Variants in GRID2 observed in about 807,000 individuals in gnomAD.
GRID2 encodes the protein glutamate ionotropic receptor delta type subunit 2.
A neutral mutation model predicts 114.8 loss-of-function variants in GRID2; 33 were observed. The observed-to-expected ratio is 0.29, with a 90% CI of 0.22 to 0.38. GRID2 has a LOEUF of 0.38. Among genes scored for constraint, GRID2 ranks in the 10% least tolerant of loss-of-function variants. The probability of loss-of-function intolerance (pLI) is 1.00; values close to 1 mark genes in which losing one functional copy is unlikely to be tolerated. For missense variants in GRID2, 1,184 were observed against 1,257.7 expected, an observed-to-expected ratio of 0.94 and a Z score of 0.89; for synonymous variants, 505 against 449.9, an observed-to-expected ratio of 1.12 and a Z score of -1.55.
chr4:93,178,398 T>TTG (rs1560956231), intron 4 of GRID2, among the ~76,000 whole-genome samples: 1 of 136,118 alleles, frequency 7.3e-6, no homozygotes, highest in East Asian at 2.1e-4. Context: ...TTTTTTTTTT[T>TTG]TTTTTTTTTT....
intron 1 of GRID2, among the ~76,000 whole-genome samples, chr4:92,538,856 C>T (rs984341817): frequency 1.3e-5 from 2 of 152,008 alleles, no homozygotes; most frequent in Non-Finnish European, 2.9e-5. Flanking sequence ...TCCTGGCTAA[C>T]ACCATGAAAC....
chr4:93,144,832 C>A (rs1003709546), intron 4 of GRID2, among the ~76,000 whole-genome samples: 1 of 152,104 alleles, frequency 6.6e-6, no homozygotes, highest in East Asian at 1.9e-4. Context: ...CAAAATGATA[C>A]ATTTGCTGGA....
At chr4:92,819,043 C>G (rs1326437260) in intron 2 of GRID2, among the ~76,000 whole-genome samples, 1 of 152,036 alleles carries the variant, frequency 6.6e-6, no homozygotes, top group African/African-American at 2.4e-5. Flanking sequence ...GGCACTGAAT[C>G]AGAACTATTT....
chr4:93,196,475 C>T (rs72666927), intron 4 of GRID2, among the ~76,000 whole-genome samples: 5,568 of 152,168 alleles, frequency 0.037, 132 homozygotes, highest in Middle Eastern at 0.11. Flanking sequence ...GAATCATCAA[C>T]ATTTTATGCC....
intron 2 of GRID2, among the ~76,000 whole-genome samples, chr4:92,810,559 C>G (rs1421210443): frequency 6.6e-6 from 1 of 151,582 alleles, no homozygotes; most frequent in Non-Finnish European, 1.5e-5. Flanking sequence ...TACTGGTAGC[C>G]CATAAATTAT....
chr4:92,662,428 T>A (rs895058487), intron 2 of GRID2, among the ~76,000 whole-genome samples: 5 of 150,898 alleles, frequency 3.3e-5, no homozygotes, highest in East Asian at 1.9e-4. Flanking sequence ...ATAAGAAAAA[T>A]TCAGGAAATG....
intron 2 of GRID2, among the ~76,000 whole-genome samples, chr4:92,642,389 G>C: frequency 6.6e-6 from 1 of 151,862 alleles, no homozygotes; most frequent in Middle Eastern, 3.4e-3. Flanking sequence ...TCTCTAATTC[G>C]TGATGATAAG....
At chr4:92,454,791 G>T (rs971961035) in intron 1 of GRID2, among the ~76,000 whole-genome samples, 11 of 152,152 alleles carry the variant, frequency 7.2e-5, no homozygotes, top group African/African-American at 2.4e-4. Flanking sequence ...AGCCGAGATC[G>T]CACCACTGCA....
At chr4:92,785,900 G>A (rs1056946070) in intron 2 of GRID2, among the ~76,000 whole-genome samples, 33 of 151,842 alleles carry the variant, frequency 2.2e-4, no homozygotes, top group African/African-American at 7.7e-4. Flanking sequence ...TCATGGAAGC[G>A]TTTCTTGTTT....
chr4:92,485,318 A>G (rs1358111452), intron 1 of GRID2, among the ~76,000 whole-genome samples: 1 of 90,658 alleles, frequency 1.1e-5, no homozygotes, highest in Non-Finnish European at 2.4e-5. Flanking sequence ...ATATATATAT[A>G]TATATATATA....
At chr4:93,165,496 G>A (rs1738162105) in intron 4 of GRID2, among the ~76,000 whole-genome samples, 1 of 152,102 alleles carries the variant, frequency 6.6e-6, no homozygotes, top group African/African-American at 2.4e-5. Context: ...TTACAGTAGT[G>A]AAACTGGAGA....
intron 4 of GRID2, among the ~76,000 whole-genome samples, chr4:93,196,494 A>G (rs945392681): frequency 3.9e-5 from 6 of 152,158 alleles, no homozygotes; most frequent in Non-Finnish European, 7.4e-5. Flanking sequence ...CCACTCTTAA[A>G]ATTCTAGAAA....
chr4:92,354,746 A>G (rs1347418235), intron 1 of GRID2, among the ~76,000 whole-genome samples: 1 of 151,990 alleles, frequency 6.6e-6, no homozygotes, highest in East Asian at 1.9e-4. Flanking sequence ...ATTTATGATT[A>G]ATGTTGCCCT....
intron 12 of GRID2, among the ~76,000 whole-genome samples, chr4:93,504,071 G>A (rs1728395094): frequency 6.6e-6 from 1 of 151,902 alleles, no homozygotes; most frequent in Non-Finnish European, 1.5e-5. Context: ...TACTAAATTA[G>A]CCTACACTTA....
chr4:93,235,569 A>G (rs1746682665), intron 7 of GRID2, among the ~76,000 whole-genome samples: 1 of 152,160 alleles, frequency 6.6e-6, no homozygotes, highest in Non-Finnish European at 1.5e-5. Flanking sequence ...TGATATAACA[A>G]TAGGTTTTAG....
intron 8 of GRID2, among the ~76,000 whole-genome samples, chr4:93,249,168 G>A (rs974602718): frequency 6.6e-6 from 1 of 152,150 alleles, no homozygotes; most frequent in African/African-American, 2.4e-5. Flanking sequence ...ATTTGTCAAA[G>A]ATTAGATGAC....
chr4:92,796,372 T>A (rs1207183227), intron 2 of GRID2, among the ~76,000 whole-genome samples: 1 of 151,896 alleles, frequency 6.6e-6, no homozygotes, highest in South Asian at 2.1e-4. Flanking sequence ...GGACAATCAA[T>A]GGAACCAGTA....
intron 14 of GRID2, among the ~76,000 whole-genome samples, chr4:93,683,024 C>T (rs921888285): frequency 6.6e-6 from 1 of 151,644 alleles, no homozygotes; most frequent in African/African-American, 2.4e-5. Flanking sequence ...AAATATGATT[C>T]AATATATCTT....
chr4:93,167,237 C>T (rs1250504207), intron 4 of GRID2, among the ~76,000 whole-genome samples: 1 of 152,058 alleles, frequency 6.6e-6, no homozygotes, highest in Non-Finnish European at 1.5e-5. Flanking sequence ...GCTTCAATGA[C>T]AAATTCATAC....
Sources: allele counts gnomAD v4.1 joint callset (sites outside exome capture counted in the v4.1 genomes callset), GRCh38; gene constraint gnomAD v4.1.1; transcripts MANE v1.5; gene names NCBI Gene and HGNC (gene_info 2026-07-23, HGNC 2026-07-21).